The following C5 variants were observed in gnomAD, a reference collection of about 807,000 sequenced individuals.
C5 encodes complement C5, also known as C3 and PZP-like alpha-2-macroglobulin domain-containing protein 4.
Under a neutral mutation model 218.8 loss-of-function variants are expected in C5, and 140 were observed. The observed-to-expected ratio is 0.64, with a 90% CI of 0.56 to 0.74. C5 has a LOEUF of 0.74. Among genes scored for constraint, C5 ranks in the 30% least tolerant of loss-of-function variants. The probability of loss-of-function intolerance (pLI) is 0.00; values close to 1 mark genes in which losing one functional copy is unlikely to be tolerated. For missense variants in C5, 1,700 were observed against 1,969.6 expected (o/e 0.86, Z 2.59); for synonymous variants, 614 against 682.3 (o/e 0.90, Z 1.56).
rs753492239 is a variant in C5 at position 121,050,147 on chromosome 9, T to C, written c.65+35A>G. 9 of 1,467,362 alleles carry C rather than the reference T, an allele frequency of 6.1e-6. No homozygotes were observed. The South Asian group carries it at 7.9e-5, about 13-fold the overall frequency. 90.9% of individuals were successfully genotyped at this position (1,467,362 alleles called of 1,614,324 possible). On this transcript the variant is annotated intron_variant, in intron 1 of 40. Transcript: ENST00000223642. ...AACTCTTCATTCGTCATAACTAAGA[T>C]GCATTGAAAAATGAAGATAGCTTGT...
intron 30 of C5, among the ~76,000 whole-genome samples, chr9:120,974,221 T>C (rs1004234082): frequency 6.6e-6 from 1 of 152,184 alleles, no homozygotes; most frequent in Non-Finnish European, 1.5e-5. Flanking sequence ...TTACCACCTT[T>C]AAAAATCCAG....
In C5 at chr9:121,017,627, A is replaced by G; in HGVS notation, c.1716+16T>C. On this transcript the variant is annotated intron_variant, in intron 13 of 40. Coordinates refer to ENST00000223642, the MANE Select transcript of C5 (RefSeq NM_001735.3). Reference sequence around the variant, plus strand: ...TGAAAAGAAAATTCAATTGTGACTTATAATTTGTGGCTTACCTGGAGCTGG... The same window carrying G: ...TGAAAAGAAAATTCAATTGTGACTTGTAATTTGTGGCTTACCTGGAGCTGG... 2 of 1,611,014 alleles carry G rather than the reference A, an allele frequency of 1.2e-6. No homozygotes were observed. Among genetic ancestry groups the G allele is most frequent in the Non-Finnish European group, 1.7e-6 (2 of 1,177,550 alleles).
In C5 at chr9:121,021,694, C is replaced by A. The variant is rs1404026174; in HGVS notation, c.1117G>T (p.Val373Leu). ...LKPGIPYPIK[V>L]QVKDSLDQLV... ...TGGTCAAGCGAATCTTTAACCTGCA[C>A]CTGTTTGTCAAAACAATCCAAATCT... Residue 373 changes from valine (V) to leucine (L), a missense_variant and splice_region_variant, in exon 11 of 41, where the codon GTG (valine) becomes TTG (leucine). By Grantham distance (32) the Val-to-Leu change is conservative. Coordinates refer to ENST00000223642, the MANE Select transcript of C5 (RefSeq NM_001735.3). The A allele has an allele frequency of 6.2e-7, 1 of 1,612,360 alleles. No homozygotes were observed. Among genetic ancestry groups the A allele is most frequent in the African/African-American group, 1.3e-5 (1 of 74,884 alleles).
intron 1 of C5, among the ~76,000 whole-genome samples, chr9:121,049,597 T>C (rs2047656185): frequency 6.6e-6 from 1 of 152,212 alleles, no homozygotes; most frequent in Non-Finnish European, 1.5e-5. Context: ...TCTGGACTTA[T>C]TCTCATATAT....
chr9:121,040,153 GC>G (rs2047564768), intron 3 of C5, among the ~76,000 whole-genome samples: 1 of 152,240 alleles, frequency 6.6e-6, no homozygotes, highest in Non-Finnish European at 1.5e-5. Context: ...AGCGAAAGCT[GC>G]CTTTAGAAGG....
chr9:121,027,302 T>G (rs1423760208), intron 7 of C5, 28 bp from the exon 8 acceptor site: 1 of 1,041,704 alleles, frequency 9.6e-7, no homozygotes. Context: ...AAAACTGTTT[T>G]ACTAACATGG....
intron 26 of C5, 151 bp from the exon 27 acceptor site, chr9:120,982,090 C>G (rs1448858793): frequency 1.5e-6 from 1 of 681,120 alleles, no homozygotes; most frequent in African/African-American, 1.8e-5. Flanking sequence ...TGGCTCACTG[C>G]AACCTCCGCC....
chr9:121,027,021 G>A (rs1314945647), intron 8 of C5, 139 bp downstream of exon 8: 1 of 680,778 alleles, frequency 1.5e-6, no homozygotes, highest in Non-Finnish European at 2.7e-6. Flanking sequence ...TACCCTAAAG[G>A]CAAAGGGAAG....
chr9:121,049,439 C>T (rs2300939), intron 1 of C5, among the ~76,000 whole-genome samples: 18,133 of 152,060 alleles, frequency 0.12, 1,559 homozygotes, highest in African/African-American at 0.24. Context: ...AAAAGAATGA[C>T]ATCCTAAGTA....
the C5 span, among the ~76,000 whole-genome samples, chr9:121,069,469 T>C: frequency 6.6e-6 from 1 of 151,808 alleles, no homozygotes; most frequent in Non-Finnish European, 1.5e-5. Context: ...CCAGTTAGGA[T>C]GGCTATTATC....
chr9:121,041,077 G>A (rs1447242253), intron 3 of C5, among the ~76,000 whole-genome samples: 2 of 150,370 alleles, frequency 1.3e-5, no homozygotes, highest in Admixed American at 6.6e-5. Context: ...CCGAGTAGCT[G>A]GAATTACAGG....
At chr9:121,074,729 C>T in the C5 span, 2 of 447,850 alleles carry the variant, frequency 4.5e-6, no homozygotes, top group Admixed American at 4.8e-5. Context: ...CTCGGCTCCC[C>T]CTGACTCTGC....
intron 28 of C5, among the ~76,000 whole-genome samples, chr9:120,978,023 C>G (rs976691997): frequency 6.6e-6 from 1 of 152,032 alleles, no homozygotes; most frequent in African/African-American, 2.4e-5. Context: ...ATTACTGACA[C>G]TAAAAAATAA....
At chr9:121,032,733 C>T (rs753441841) in intron 5 of C5, among the ~76,000 whole-genome samples, 2 of 152,210 alleles carry the variant, frequency 1.3e-5, no homozygotes, top group African/African-American at 4.8e-5. Context: ...GGTATAGTGG[C>T]TCATGCCTAT....
chr9:121,002,154 A>ATAGATATGTACATATATGTATATATG (rs2047167040), intron 20 of C5, among the ~76,000 whole-genome samples: 1 of 147,908 alleles, frequency 6.8e-6, no homozygotes, highest in Non-Finnish European at 1.5e-5. Context: ...GTATATATGT[A>ATAGATATGTACATATATGTATATATG]TAGATATGTA....
chr9:120,980,878 G>C (rs2046987961), intron 27 of C5, among the ~76,000 whole-genome samples: 1 of 152,140 alleles, frequency 6.6e-6, no homozygotes, highest in Non-Finnish European at 1.5e-5. Context: ...TTACAGGCGT[G>C]AGCCACTGCA....
chr9:121,009,788 C>T (rs1330333336), intron 17 of C5, among the ~76,000 whole-genome samples: 2 of 152,180 alleles, frequency 1.3e-5, no homozygotes, highest in African/African-American at 4.8e-5. Context: ...GCACCAATGC[C>T]ACTCCTCCCA....
intron 38 of C5, among the ~76,000 whole-genome samples, 160 bp from the exon 39 acceptor site, chr9:120,957,528 T>C (rs1366654626): frequency 2.6e-5 from 4 of 152,256 alleles, no homozygotes; most frequent in African/African-American, 9.6e-5. Context: ...TCAGTCTGAT[T>C]CAATCTCTCA....
intron 33 of C5, 60 bp downstream of exon 33, chr9:120,969,001 A>G: frequency 7.2e-7 from 1 of 1,386,446 alleles, no homozygotes; most frequent in Middle Eastern, 1.8e-4. Context: ...GTAAAGAAAC[A>G]ATACGTTAAC....
Sources: allele counts gnomAD v4.1 joint callset (sites outside exome capture counted in the v4.1 genomes callset), GRCh38; gene constraint gnomAD v4.1.1; transcripts MANE v1.5; gene names NCBI Gene and HGNC (gene_info 2026-07-23, HGNC 2026-07-21).